CCDC141: variants seen among roughly 807,000 people sequenced by gnomAD.
CCDC141 encodes coiled-coil domain-containing protein 141.
Under a neutral mutation model 181.0 loss-of-function variants are expected in CCDC141, and 168 were observed. The observed-to-expected ratio is 0.93, with a 90% confidence interval of 0.82 to 1.05. CCDC141 has a LOEUF of 1.05. Ranked by LOEUF, CCDC141 falls within the 50% of genes least tolerant of loss-of-function variation. The pLI, the probability that CCDC141 is intolerant of heterozygous loss-of-function variation, is 0.00. For synonymous variants in CCDC141, 666 were observed against 642.3 expected (o/e 1.04, Z -0.56); for missense variants, 1,902 against 1,788.5 (o/e 1.06, Z -1.14).
At chr2:179,015,119 A>G (rs2042422810) in intron 2 of CCDC141, among the ~76,000 whole-genome samples, 1 of 15,336 alleles carries the variant, frequency 6.5e-5, no homozygotes, top group Non-Finnish European at 1.8e-4. Context: ...ATATATAATC[A>G]TATATATATA....
At position 179,014,575 on chromosome 2, in the gene CCDC141, G is replaced by GA. The variant is rs1327019217; in HGVS notation, c.225+32708dup. Among the ~76,000 whole-genome samples the GA allele has an allele frequency of 7.9e-5, 12 of 151,512 alleles. No individual in the cohort carries two copies. In the South Asian group the frequency reaches 2.5e-3, roughly 32 times the overall value. On this transcript the variant is annotated intron_variant, in intron 2 of 23. Coordinates refer to ENST00000443758, the MANE Select transcript of CCDC141 (RefSeq NM_173648.4). ...ACAATGAACTCAAACAAATCAGCAA[G>GA]AAAAAAACAAACAATCCCATCAAAA... is the stretch of plus-strand genomic sequence containing the variant.
chr2:178,885,124 T>C, intron 10 of CCDC141, 32 bp from the exon 11 acceptor site: 1 of 1,458,170 alleles, frequency 6.9e-7, no homozygotes, highest in African/African-American at 1.4e-5. Context: ...GGTCAGAAAC[T>C]GACAGGGGAA....
At chr2:178,910,297 TGACTA>T (rs1240541414) in intron 7 of CCDC141, among the ~76,000 whole-genome samples, 1 of 152,214 alleles carries the variant, frequency 6.6e-6, no homozygotes, top group Non-Finnish European at 1.5e-5. Flanking sequence ...GTTTGCTTCT[TGACTA>T]ATCAACTTGA....
intron 5 of CCDC141, among the ~76,000 whole-genome samples, chr2:178,953,740 T>G (rs557383186): frequency 1.3e-5 from 2 of 152,316 alleles, no homozygotes; most frequent in African/African-American, 4.8e-5. Flanking sequence ...TCAAGGAACT[T>G]CCAGAGAAGG....
intron 2 of CCDC141, among the ~76,000 whole-genome samples, chr2:179,010,275 C>T (rs982996457): frequency 2.0e-5 from 3 of 152,128 alleles, no homozygotes; most frequent in African/African-American, 7.2e-5. Context: ...GAGACCTAGA[C>T]ATCCAAATAC....
In CCDC141 at chr2:178,872,138, T is replaced by G; in HGVS notation, c.2074A>C (p.Lys692Gln). 1 of 1,613,460 alleles carries G rather than the reference T, an allele frequency of 6.2e-7. No homozygotes were observed. Among genetic ancestry groups the G allele is most frequent in the Non-Finnish European group, 8.5e-7 (1 of 1,179,784 alleles). The change falls in exon 13 of 24, where the codon AAA (lysine) becomes CAA (glutamine). Residue 692 changes from lysine (K) to glutamine (Q), a missense_variant. By Grantham distance (53) the Lys-to-Gln change is moderately conservative. Coordinates refer to ENST00000443758, the MANE Select transcript of CCDC141 (RefSeq NM_173648.4). ...QQWAAFKEQLKKTSHNLKLLQ... is the reference protein window; with the variant it reads ...QQWAAFKEQLQKTSHNLKLLQ... Reference sequence around the variant, plus strand: ...CCCATTGTTCCTTGCCTCACCTTTTTAAGTTGCTCTTTGAATGCCGCCCAC... The same window carrying G: ...CCCATTGTTCCTTGCCTCACCTTTTGAAGTTGCTCTTTGAATGCCGCCCAC...
At chr2:179,011,900 A>C (rs2042280467) in intron 2 of CCDC141, among the ~76,000 whole-genome samples, 2 of 152,186 alleles carry the variant, frequency 1.3e-5, no homozygotes, top group Non-Finnish European at 2.9e-5. Context: ...TCCAGATGGA[A>C]ATTTAAAAAT....
chr2:178,988,479 T>G (rs1372929269), intron 2 of CCDC141, among the ~76,000 whole-genome samples: 2 of 124,368 alleles, frequency 1.6e-5, no homozygotes, highest in Admixed American at 7.5e-5. Context: ...TAATAAAAAA[T>G]AAATAATAAA....
At chr2:178,948,193 C>T (rs1689808658) in intron 5 of CCDC141, among the ~76,000 whole-genome samples, 1 of 148,702 alleles carries the variant, frequency 6.7e-6, no homozygotes, top group Non-Finnish European at 1.5e-5. Flanking sequence ...AGGAGTGAGA[C>T]CCTATCTCAA....
chr2:179,022,463 C>A (rs528318312), intron 2 of CCDC141, among the ~76,000 whole-genome samples: 11 of 152,192 alleles, frequency 7.2e-5, no homozygotes, highest in African/African-American at 2.4e-4. Flanking sequence ...GGCAGCTTTT[C>A]TACCTTGAAG....
chr2:179,012,337 T>C (rs1178382974), intron 2 of CCDC141, among the ~76,000 whole-genome samples: 1 of 152,150 alleles, frequency 6.6e-6, no homozygotes, highest in East Asian at 1.9e-4. Flanking sequence ...TCAAGGCTAC[T>C]ATGAACACTT....
rs74764046 is a variant in CCDC141 at position 178,835,573 on chromosome 2, A to G, written c.4326-1133T>C. Reference sequence around the variant, plus strand: ...CTTGGGTATCCTAAGAATGTATGATATCCTGAAAGCTTGTCAGTTATTAAT... The same window carrying G: ...CTTGGGTATCCTAAGAATGTATGATGTCCTGAAAGCTTGTCAGTTATTAAT... On this transcript the variant is annotated intron_variant, in intron 23 of 23. Coordinates refer to ENST00000443758, the MANE Select transcript of CCDC141 (RefSeq NM_173648.4). 3.0e-4 allele frequency among the ~76,000 whole-genome samples: 45 copies of G among 152,338 alleles called. No homozygotes were observed. In the East Asian group the frequency reaches 8.5e-3, roughly 29 times the overall value.
At chr2:178,866,734 T>G (rs1403705954) in intron 16 of CCDC141, among the ~76,000 whole-genome samples, 1 of 152,206 alleles carries the variant, frequency 6.6e-6, no homozygotes, top group East Asian at 1.9e-4. Context: ...TTTGTTTTGT[T>G]TTTTTGAGAT....
At chr2:178,984,127 C>A (rs1691587282) in intron 2 of CCDC141, among the ~76,000 whole-genome samples, 1 of 152,120 alleles carries the variant, frequency 6.6e-6, no homozygotes, top group South Asian at 2.1e-4. Context: ...TCGGCAGAAA[C>A]CCTACGAGCC....
At position 179,049,675 on chromosome 2, in the gene CCDC141, T is replaced by C. The variant is rs544482970; in HGVS notation, c.102+165A>G. ...GAGAATCTCTGGTAACTGCTGAAAC[T>C]TGTAGAGGTTTCTCTTAGTAGCCCA... On this transcript the variant is annotated intron_variant, in intron 1 of 23. Coordinates refer to ENST00000443758, the MANE Select transcript of CCDC141 (RefSeq NM_173648.4). 4.6e-5 allele frequency among the ~76,000 whole-genome samples: 7 copies of C among 152,012 alleles called. No homozygotes were observed. The South Asian group carries it at 1.5e-3, about 32-fold the overall frequency.
chr2:178,834,657 A>G lies in CCDC141; in HGVS notation c.4326-217T>C, dbSNP rs62175451. 0.18 allele frequency among the ~76,000 whole-genome samples: 27,406 copies of G among 151,784 alleles called. 2,750 individuals carry two copies. The highest frequency in any genetic ancestry group is 0.22 in the Middle Eastern group (65 of 290). On this transcript the variant is annotated intron_variant, in intron 23 of 23. Transcript: ENST00000443758. ...AGAATCAGAGATCATTGCGGTCTCAAACTCCTGGGATCAAGCAATCCTCCC... is the reference window on the plus strand; with the variant it reads ...AGAATCAGAGATCATTGCGGTCTCAGACTCCTGGGATCAAGCAATCCTCCC...
intron 2 of CCDC141, among the ~76,000 whole-genome samples, chr2:179,024,266 C>T (rs568518320): frequency 6.6e-6 from 1 of 152,312 alleles, no homozygotes; most frequent in East Asian, 1.9e-4. Context: ...GCAAGAACAG[C>T]AAGGTATGTG....
At chr2:178,917,959 G>A (rs1304910999) in intron 7 of CCDC141, among the ~76,000 whole-genome samples, 1 of 152,182 alleles carries the variant, frequency 6.6e-6, no homozygotes. Context: ...ATTTTACCTG[G>A]TAAATTAAAG....
chr2:178,849,563 T>C (rs1326873682), intron 21 of CCDC141, among the ~76,000 whole-genome samples: 1 of 152,266 alleles, frequency 6.6e-6, no homozygotes, highest in East Asian at 1.9e-4. Context: ...CCATATTTGT[T>C]ACCATCAAAT....
Sources: allele counts gnomAD v4.1 joint callset (sites outside exome capture counted in the v4.1 genomes callset), GRCh38; gene constraint gnomAD v4.1.1; transcripts MANE v1.5; gene names NCBI Gene and HGNC (gene_info 2026-07-23, HGNC 2026-07-21).